The following TRPM3 variants were observed in gnomAD, a reference collection of about 807,000 sequenced individuals.
TRPM3 encodes transient receptor potential cation channel subfamily M member 3.
In TRPM3, 77 loss-of-function variants were observed where a neutral mutation model predicts 181.2. The observed-to-expected ratio is 0.42, with a 90% CI of 0.35 to 0.51. The LOEUF (loss-of-function observed/expected upper bound fraction) is 0.51. TRPM3 is among the 20% of genes least tolerant of loss of function. The pLI, the probability that TRPM3 is intolerant of heterozygous loss-of-function variation, is 0.01. For missense variants in TRPM3, 1,759 were observed against 2,196.7 expected (o/e 0.80, Z 3.98); for synonymous variants, 745 against 796.4 (o/e 0.94, Z 1.09).
At chr9:71,273,042 T>G (rs1002861723) in intron 1 of TRPM3, among the ~76,000 whole-genome samples, 4 of 151,982 alleles carry the variant, frequency 2.6e-5, no homozygotes, top group African/African-American at 9.7e-5. Flanking sequence ...ACCTGGCTGA[T>G]TTTTGTATTT....
Position 70,997,492 on chromosome 9 carries a change from G to A in TRPM3, c.177+123686C>T, listed in dbSNP as rs114895074. The stretch of plus-strand genomic sequence containing the variant: ...TTACAGGCTTGAGCCACCGCGCCCG[G>A]CCCTATCTTAATACTTTTTTTTGGT... On this transcript the variant is annotated intron_variant, in intron 1 of 25. Coordinates refer to ENST00000677713, the MANE Select transcript of TRPM3 (RefSeq NM_001366145.2). Among the ~76,000 whole-genome samples the A allele has an allele frequency of 4.8e-3, 731 of 152,266 alleles. 8 individuals are homozygous for A. The highest frequency in any genetic ancestry group is 0.017 in the African/African-American group (697 of 41,546).
intron 6 of TRPM3, among the ~76,000 whole-genome samples, chr9:70,785,833 GCT>G (rs1325944588): frequency 2.0e-5 from 3 of 152,172 alleles, no homozygotes; most frequent in African/African-American, 7.2e-5. Flanking sequence ...AAAAGTGGGT[GCT>G]GTTTTGCATG....
At chr9:71,144,122 A>G (rs1337594103) in intron 1 of TRPM3, among the ~76,000 whole-genome samples, 1 of 152,192 alleles carries the variant, frequency 6.6e-6, no homozygotes, top group Non-Finnish European at 1.5e-5. Context: ...TCCTTAAACC[A>G]TAATATTCCT....
At chr9:70,549,239 G>A (rs2045868017) in intron 25 of TRPM3, among the ~76,000 whole-genome samples, 1 of 152,108 alleles carries the variant, frequency 6.6e-6, no homozygotes, top group Admixed American at 6.6e-5. Context: ...TTTTTGCCTG[G>A]AACAGAACTT....
chr9:71,421,888 C>G (rs1210272395), intron 1 of TRPM3, among the ~76,000 whole-genome samples: 2 of 151,984 alleles, frequency 1.3e-5, no homozygotes, highest in East Asian at 3.9e-4. Flanking sequence ...TTGTCGTTGA[C>G]CACATCATTA....
chr9:71,026,255 G>A (rs2097896107), intron 1 of TRPM3, among the ~76,000 whole-genome samples: 1 of 152,120 alleles, frequency 6.6e-6, no homozygotes, highest in African/African-American at 2.4e-5. Flanking sequence ...GCATCAGATG[G>A]GGCAGGTCTG....
intron 1 of TRPM3, among the ~76,000 whole-genome samples, chr9:71,318,496 C>A (rs913948992): frequency 2.6e-5 from 4 of 152,068 alleles, no homozygotes; most frequent in Non-Finnish European, 2.9e-5. Flanking sequence ...CTTTAATCTG[C>A]AAGTATTTTT....
At chr9:71,357,854 G>A (rs533953296) in intron 1 of TRPM3, among the ~76,000 whole-genome samples, 2 of 152,060 alleles carry the variant, frequency 1.3e-5, no homozygotes, top group South Asian at 4.2e-4. Flanking sequence ...AATCTGTTAT[G>A]AAGGAAAGTG....
intron 1 of TRPM3, among the ~76,000 whole-genome samples, chr9:70,987,909 A>G (rs1022572846): frequency 6.6e-6 from 1 of 152,176 alleles, no homozygotes; most frequent in African/African-American, 2.4e-5. Flanking sequence ...CATTCCAACT[A>G]TAGTATACAA....
intron 1 of TRPM3, among the ~76,000 whole-genome samples, chr9:71,252,856 T>C (rs1227185421): frequency 6.8e-6 from 1 of 146,590 alleles, no homozygotes; most frequent in African/African-American, 2.5e-5. Context: ...TCTTTTTTTT[T>C]TTTTTTTTTT....
At chr9:71,320,876 A>G (rs929493164) in intron 1 of TRPM3, among the ~76,000 whole-genome samples, 1 of 151,996 alleles carries the variant, frequency 6.6e-6, no homozygotes, top group African/African-American at 2.4e-5. Context: ...CTCTTCCACA[A>G]TTCCCCTATC....
chr9:70,956,296 C>CTTTTTTTTT (rs537484746), intron 1 of TRPM3, among the ~76,000 whole-genome samples: 42 of 97,140 alleles, frequency 4.3e-4, no homozygotes, highest in African/African-American at 7.6e-4. Context: ...AGAAATACAC[C>CTTTTTTTTT]TTTTTTTTTT....
intron 1 of TRPM3, among the ~76,000 whole-genome samples, chr9:70,982,185 A>G (rs2097370504): frequency 6.6e-6 from 1 of 152,126 alleles, no homozygotes; most frequent in Admixed American, 6.5e-5. Flanking sequence ...ATAATGTACA[A>G]CCTCACATTC....
intron 1 of TRPM3, among the ~76,000 whole-genome samples, chr9:71,159,372 C>T (rs1051604742): frequency 2.6e-5 from 4 of 151,984 alleles, no homozygotes; most frequent in African/African-American, 7.2e-5. Context: ...TGTATCCCTG[C>T]TATAGATAGA....
At chr9:71,426,153 A>T (rs1174763459) in intron 1 of TRPM3, among the ~76,000 whole-genome samples, 3 of 152,176 alleles carry the variant, frequency 2.0e-5, no homozygotes, top group Admixed American at 2.0e-4. Context: ...GACAGCAGTA[A>T]GCCCAGCGCC....
intron 1 of TRPM3, among the ~76,000 whole-genome samples, chr9:71,293,684 A>G (rs982301755): frequency 2.0e-5 from 3 of 151,974 alleles, no homozygotes; most frequent in Non-Finnish European, 4.4e-5. Flanking sequence ...AATTTCAGTA[A>G]AAATCCCAAG....
In TRPM3 at chr9:70,596,636, C is replaced by T. The variant is rs191500046; in HGVS notation, c.3048+1783G>A. Among the ~76,000 whole-genome samples the T allele has an allele frequency of 4.0e-4, 60 of 149,772 alleles. No individual in the cohort carries two copies. The East Asian group carries it at 0.011, about 28-fold the overall frequency. ...GTCCCAGCTGCTCGGGAGGTTGAGG[C>T]AGGAGAATTGCTAGAACCCAGGAGG... On this transcript the variant is annotated intron_variant, in intron 21 of 25. Coordinates refer to ENST00000677713, the MANE Select transcript of TRPM3 (RefSeq NM_001366145.2).
chr9:70,812,366 A>G (rs2131431650), intron 6 of TRPM3, among the ~76,000 whole-genome samples: 1 of 152,240 alleles, frequency 6.6e-6, no homozygotes, highest in East Asian at 1.9e-4. Context: ...CAGCACCCAT[A>G]CCCTGGCAAA....
intron 1 of TRPM3, among the ~76,000 whole-genome samples, chr9:71,171,416 G>A (rs1012215824): frequency 3.3e-5 from 5 of 152,046 alleles, no homozygotes; most frequent in Admixed American, 1.3e-4. Flanking sequence ...GGAACCTACC[G>A]ACATGTGATG....
Sources: allele counts gnomAD v4.1 joint callset (sites outside exome capture counted in the v4.1 genomes callset), GRCh38; gene constraint gnomAD v4.1.1; transcripts MANE v1.5; gene names NCBI Gene and HGNC (gene_info 2026-07-23, HGNC 2026-07-21).